ZNF225: variants seen among roughly 807,000 people sequenced by gnomAD.
The protein encoded by ZNF225 is zinc finger protein 225.
Under a neutral mutation model 12.0 loss-of-function variants are expected in ZNF225, and 6 were observed. That is an observed-to-expected ratio of 0.50 (90% CI 0.27 to 0.98). The LOEUF is 0.98. Ranked by LOEUF, ZNF225 falls within the 50% of genes least tolerant of loss-of-function variation. The pLI, the probability that ZNF225 is intolerant of heterozygous loss-of-function variation, is 0.11. For synonymous variants in ZNF225, 271 were observed against 283.2 expected, an observed-to-expected ratio of 0.96 and a Z score of 0.43; for missense variants, 763 against 848.2, an observed-to-expected ratio of 0.90 and a Z score of 1.25.
At chr19:44,114,202 G>T in intron 1 of ZNF225, 1 of 1,044,500 alleles carries the variant, frequency 9.6e-7, no homozygotes, top group South Asian at 1.3e-5. Flanking sequence ...GCTTCTGAGG[G>T]CAAAGCTCTA....
At position 44,115,978 on chromosome 19, in the gene ZNF225, C is replaced by T. The variant is rs1967934874; in HGVS notation, c.15+136C>T. 3.5e-6 allele frequency: 3 copies of T among 857,250 alleles called. No homozygotes were observed. In the Admixed American group the frequency reaches 8.1e-5, roughly 23 times the overall value. The allele number at this position is 857,250 out of a possible 1,614,324, so 53.1% of individuals were successfully genotyped here. Reference sequence around the variant, plus strand: ...CGGAGTTCAAGTGATTCTCCTGCTTCAGCCTCCCAAGTAGCTGGGACTACA... The same window carrying T: ...CGGAGTTCAAGTGATTCTCCTGCTTTAGCCTCCCAAGTAGCTGGGACTACA... On this transcript the variant is annotated intron_variant, in intron 2 of 4. Transcript: ENST00000262894.
At position 44,131,030 on chromosome 19, in the gene ZNF225, C is replaced by T. The variant is rs1386043156; in HGVS notation, c.416C>T (p.Ser139Phe). The change falls in exon 5 of 5, where the codon TCT (serine) becomes TTT (phenylalanine). Residue 139 changes from serine to phenylalanine, a missense_variant. Ser to Phe is a radical substitution (Grantham distance 155, BLOSUM62 -2). Coordinates refer to ENST00000262894, the MANE Select transcript of ZNF225 (RefSeq NM_013362.4). ...CCCTGCCAGGTTGATGCAGGACTAT[C>T]TATAATTCACGTAAGACAGAAACCT... ...DMPCQVDAGL[S>F]IIHVRQKPSE... 3 of 1,614,054 alleles carry T rather than the reference C, an allele frequency of 1.9e-6. No individual in the cohort carries two copies. The highest frequency in any genetic ancestry group is 1.7e-6 in the Non-Finnish European group (2 of 1,179,926).
chr19:44,132,372 T>TA lies in ZNF225; in HGVS notation c.1760dup (p.Arg588GlufsTer5), dbSNP rs771564907. 4.3e-6 allele frequency: 7 copies of TA among 1,614,100 alleles called. No homozygotes were observed. In the East Asian group the frequency reaches 1.6e-4, roughly 36 times the overall value. Reference sequence around the variant, plus strand: ...GCCGGGCCTCAAGTATTTTGAATCATAAGAGACTCCATGGTGATGAAAAGC... The same window carrying TA: ...GCCGGGCCTCAAGTATTTTGAATCATAAAGAGACTCCATGGTGATGAAAAGC... On this transcript the variant is annotated frameshift_variant, in exon 5 of 5. Transcript: ENST00000262894. LOFTEE classifies it low-confidence loss of function (END_TRUNC).
chr19:44,129,534 C>G (rs1968205303), intron 4 of ZNF225: 1 of 152,996 alleles, frequency 6.5e-6, no homozygotes, highest in African/African-American at 2.4e-5. Flanking sequence ...TTTCCTGAGC[C>G]CTGGTATTCA....
In ZNF225 at chr19:44,131,473, C is replaced by T. The variant is rs1163126443; in HGVS notation, c.859C>T (p.Pro287Ser). The T allele has an allele frequency of 2.5e-6, 4 of 1,614,028 alleles. No individual in the cohort carries two copies. In the African/African-American group the frequency reaches 4.0e-5, roughly 16 times the overall value. The change falls in exon 5 of 5, where the codon CCA (proline) becomes TCA (serine). Residue 287 changes from proline (P) to serine (S), a missense_variant. Physicochemically the swap from Pro to Ser is moderately conservative, Grantham distance 74. Coordinates refer to ENST00000262894, the MANE Select transcript of ZNF225 (RefSeq NM_013362.4). ...EHQRIHTGEK[P>S]FKCDICCKSF... ...TCAAAGAATCCATACTGGGGAGAAG[C>T]CATTCAAATGTGATATATGTTGTAA...
At chr19:44,124,987 A>G (rs1261046211) in intron 4 of ZNF225, among the ~76,000 whole-genome samples, 1 of 152,214 alleles carries the variant, frequency 6.6e-6, no homozygotes, top group Non-Finnish European at 1.5e-5. Context: ...GTATCTTTTA[A>G]GTGGAGCATT....
At chr19:44,129,079 C>T (rs1483676640) in intron 4 of ZNF225, 1 of 1,231,648 alleles carries the variant, frequency 8.1e-7, no homozygotes, top group East Asian at 3.2e-5. Context: ...CTGAAGGTTT[C>T]TGATCCTTTT....
At position 44,131,126 on chromosome 19, in the gene ZNF225, C is replaced by G. The variant is rs1568542042; in HGVS notation, c.512C>G (p.Ser171Ter). 3 of 1,614,152 alleles carry G rather than the reference C, an allele frequency of 1.9e-6. No individual in the cohort carries two copies. The highest frequency in any genetic ancestry group is 2.5e-6 in the Non-Finnish European group (3 of 1,180,022). ...SVLDLHQQLQ[S>*]REKSHTCDEC... ...CTTGATCTTCATCAACAACTACAGT[C>G]AAGAGAGAAGTCTCATACATGTGAT... The change falls in exon 5 of 5, where the codon TCA (serine) becomes TGA (stop). Residue 171 changes from serine to a stop codon, truncating the protein, a stop_gained. Coordinates refer to ENST00000262894, the MANE Select transcript of ZNF225 (RefSeq NM_013362.4). LOFTEE classifies it low-confidence loss of function (END_TRUNC).
In ZNF225 at chr19:44,118,307, C is replaced by T. The variant is rs919505701; in HGVS notation, c.135C>T (p.Leu45=). The T allele has an allele frequency of 4.3e-6, 7 of 1,612,702 alleles. No individual in the cohort carries two copies. Among genetic ancestry groups the T allele is most frequent in the East Asian group, 2.2e-5 (1 of 44,868 alleles). The part of the protein sequence containing the change: ...EVMLENFRNL[L]SVGHQSLHRD... ...TGCTGGAGAACTTCAGGAACCTGCT[C>T]TCAGTGGGTGAGGACAGGCACCCTT... is the stretch of plus-strand genomic sequence containing the variant. The change falls in exon 3 of 5, where the codon CTC becomes CTT. Residue 45 remains leucine, a synonymous_variant. Coordinates refer to ENST00000262894, the MANE Select transcript of ZNF225 (RefSeq NM_013362.4).
intron 4 of ZNF225, among the ~76,000 whole-genome samples, chr19:44,124,196 G>A (rs1173981356): frequency 6.6e-6 from 1 of 151,772 alleles, no homozygotes; most frequent in Non-Finnish European, 1.5e-5. Flanking sequence ...TATCCCAGAG[G>A]TTTTCATGGG....
intron 4 of ZNF225, among the ~76,000 whole-genome samples, chr19:44,125,968 G>T (rs777102144): frequency 6.6e-6 from 1 of 151,776 alleles, no homozygotes; most frequent in Non-Finnish European, 1.5e-5. Context: ...ATTTCCTTGT[G>T]CTGGGCTTCA....
intron 4 of ZNF225, 126 bp from the exon 5 acceptor site, chr19:44,130,724 A>G (rs893199934): frequency 2.0e-6 from 1 of 494,510 alleles, no homozygotes; most frequent in Non-Finnish European, 3.5e-6. Flanking sequence ...AAAAAAAAAA[A>G]GGAAAATACA....
intron 4 of ZNF225, among the ~76,000 whole-genome samples, chr19:44,118,871 C>CA (rs1318129282): frequency 6.6e-6 from 1 of 150,552 alleles, no homozygotes; most frequent in Non-Finnish European, 1.5e-5. Context: ...GGCTGGAGTG[C>CA]AGTGGTGCAA....
intron 2 of ZNF225, 24 bp downstream of exon 2, chr19:44,115,866 C>T (rs751279347): frequency 1.1e-5 from 17 of 1,610,180 alleles, no homozygotes; most frequent in Non-Finnish European, 1.4e-5. Context: ...GCCTCTCTTG[C>T]TGTTAAAATT....
At position 44,134,058 on chromosome 19, in the gene ZNF225, G is replaced by A. The variant is rs886859895; in HGVS notation, c.*1323G>A. 1 of 152,078 alleles carries A rather than the reference G, an allele frequency of 6.6e-6. No homozygotes were observed. Among genetic ancestry groups the A allele is most frequent in the East Asian group, 1.9e-4 (1 of 5,158 alleles). 9.4% of individuals were successfully genotyped at this position (152,078 alleles called of 1,614,324 possible). ...TCCAGATTCTATGATTTGCTAAGAG[G>A]ACTCAGAATATAGTTGTACTCATGA... On this transcript the variant is annotated 3_prime_UTR_variant, in exon 5 of 5. Coordinates refer to ENST00000262894, the MANE Select transcript of ZNF225 (RefSeq NM_013362.4).
At chr19:44,122,738 T>G (rs1968079042) in intron 4 of ZNF225, among the ~76,000 whole-genome samples, 1 of 152,082 alleles carries the variant, frequency 6.6e-6, no homozygotes, top group Non-Finnish European at 1.5e-5. Flanking sequence ...TATTCCTGAG[T>G]ATTTGATTTT....
chr19:44,128,634 T>C (rs1195315543), intron 4 of ZNF225: 1 of 162,202 alleles, frequency 6.2e-6, no homozygotes, highest in Non-Finnish European at 1.3e-5. Flanking sequence ...TTTATGACCA[T>C]GAGCCATAGT....
upstream of ZNF225, among the ~76,000 whole-genome samples, chr19:44,111,508 G>A (rs1793020904): frequency 6.6e-6 from 1 of 152,234 alleles, no homozygotes; most frequent in African/African-American, 2.4e-5. Flanking sequence ...ACGAACATTT[G>A]TAGCAACACT....
intron 2 of ZNF225, 113 bp from the exon 3 acceptor site, chr19:44,118,075 G>A: frequency 8.5e-7 from 1 of 1,179,856 alleles, no homozygotes; most frequent in Non-Finnish European, 1.1e-6. Flanking sequence ...GTTGACCTAT[G>A]TCTCTCAAGA....
Sources: allele counts gnomAD v4.1 joint callset (sites outside exome capture counted in the v4.1 genomes callset), GRCh38; gene constraint gnomAD v4.1.1; transcripts MANE v1.5; gene names NCBI Gene and HGNC (gene_info 2026-07-23, HGNC 2026-07-21).